The following DDX24 variants were observed in gnomAD, a reference collection of about 807,000 sequenced individuals.
DDX24 encodes ATP-dependent RNA helicase DDX24.
DDX24 carries 24 observed loss-of-function variants against 68.9 expected under a neutral mutation model. The ratio of observed to expected loss-of-function variants is 0.35; its 90% CI spans 0.25 to 0.49. DDX24 has a LOEUF of 0.49. Ranked by LOEUF, DDX24 falls within the 20% of genes least tolerant of loss-of-function variation. The pLI is 0.99. For missense variants in DDX24, 989 were observed against 1,039.0 expected, an observed-to-expected ratio of 0.95 and a Z score of 0.66; for synonymous variants, 395 against 385.2, an observed-to-expected ratio of 1.03 and a Z score of -0.30.
chr14:94,074,057 A>G (rs1885887915), intron 2 of DDX24, among the ~76,000 whole-genome samples: 1 of 151,704 alleles, frequency 6.6e-6, no homozygotes, highest in Non-Finnish European at 1.5e-5. Flanking sequence ...AAAAAAAAAA[A>G]GAAAAAAATA....
rs11849101 is a variant in DDX24 at position 94,050,896 on chromosome 14, A to G, written c.*295T>C. The G allele has an allele frequency of 0.028, 9,347 of 332,784 alleles. 717 individuals carry two copies. Among genetic ancestry groups the G allele is most frequent in the African/African-American group, 0.17 (7,916 of 46,798 alleles). The allele number at this position is 332,784 out of a possible 1,614,324, so 20.6% of individuals were successfully genotyped here. On this transcript the variant is annotated 3_prime_UTR_variant, in exon 9 of 9. Coordinates refer to ENST00000621632, the MANE Select transcript of DDX24 (RefSeq NM_020414.4). ...CCCCATCTTCTATCTAAAAAAAAAA[A>G]AAAAAAATCAGGATGACACAATGGC...
Position 94,064,669 on chromosome 14 carries a change from C to G in DDX24, c.719-2048G>C, listed in dbSNP as rs368849971. 5.3e-5 allele frequency among the ~76,000 whole-genome samples: 8 copies of G among 152,340 alleles called. 1 individual carries two copies. The South Asian group carries it at 1.0e-3, about 20-fold the overall frequency. On this transcript the variant is annotated intron_variant, in intron 2 of 8. Transcript: ENST00000621632. ...ACCTCTCCTGACTTCCAACCCCGCC[C>G]CATACCTTGCCCTAGTCATCTCATC...
chr14:94,064,927 G>C (rs1390512792), intron 2 of DDX24, among the ~76,000 whole-genome samples: 2 of 152,160 alleles, frequency 1.3e-5, no homozygotes, highest in East Asian at 3.8e-4. Context: ...CTAGCTCCAG[G>C]TAGATAGTGT....
At chr14:94,077,794 C>T (rs1885974033) in intron 2 of DDX24, among the ~76,000 whole-genome samples, 1 of 151,610 alleles carries the variant, frequency 6.6e-6, no homozygotes, top group African/African-American at 2.4e-5. Context: ...CACGTGTCTA[C>T]TGAACACTTA....
chr14:94,052,686 C>T (rs1007001048), intron 8 of DDX24, among the ~76,000 whole-genome samples: 5 of 152,208 alleles, frequency 3.3e-5, no homozygotes, highest in Non-Finnish European at 7.3e-5. Context: ...TAACTTGACT[C>T]AGTCACATAG....
chr14:94,070,967 C>A (rs1885815252), intron 2 of DDX24, among the ~76,000 whole-genome samples: 1 of 152,062 alleles, frequency 6.6e-6, no homozygotes. Context: ...ATTTCATGAC[C>A]AAGAACCCAA....
chr14:94,069,401 C>T (rs1055339511), intron 2 of DDX24, among the ~76,000 whole-genome samples: 3 of 152,084 alleles, frequency 2.0e-5, no homozygotes, highest in African/African-American at 7.2e-5. Context: ...AAGTCCAGAA[C>T]CAGACGGATT....
In DDX24 at chr14:94,079,536, G is replaced by A. The variant is rs1284185974; in HGVS notation, c.207C>T (p.Phe69=). ...VSPAKNPSSL[F]SKEAPKRKAQ... The stretch of plus-strand genomic sequence containing the variant: ...CCTTTCTCTTGGGTGCTTCCTTTGA[G>A]AAGAGACTGGAGGGATTCTTGGCAG... The change falls in exon 2 of 9, where the codon TTC becomes TTT. Residue 69 remains phenylalanine, a synonymous_variant. Coordinates refer to ENST00000621632, the MANE Select transcript of DDX24 (RefSeq NM_020414.4). 3.7e-6 allele frequency: 6 copies of A among 1,613,972 alleles called. No homozygotes were observed. In the Admixed American group the frequency reaches 8.3e-5, roughly 22 times the overall value.
chr14:94,060,695 A>AACACAC lies in DDX24; in HGVS notation c.1398-88_1398-83dup, dbSNP rs373138665. 4.8e-6 allele frequency: 7 copies of AACACAC among 1,464,262 alleles called. No individual in the cohort carries two copies. The African/African-American group carries it at 8.5e-5, about 18-fold the overall frequency. The allele number at this position is 1,464,262 out of a possible 1,614,324, so 90.7% of individuals were successfully genotyped here. On this transcript the variant is annotated intron_variant, in intron 4 of 8. Coordinates refer to ENST00000621632, the MANE Select transcript of DDX24 (RefSeq NM_020414.4). The stretch of plus-strand genomic sequence containing the variant: ...TATAGCACACCCTACACTCATCCTA[A>AACACAC]ACACACACACACACACACGTACACA...
chr14:94,079,744 G>C lies in DDX24; in HGVS notation c.-2C>G. On this transcript the variant is annotated 5_prime_UTR_variant, in exon 2 of 9. Coordinates refer to ENST00000621632, the MANE Select transcript of DDX24 (RefSeq NM_020414.4). ...TGATTTTGTGTCCTTCAACTTCATGGTTGCTGAAAAGGAGATACATGTTCT... is the reference window on the plus strand; with the variant it reads ...TGATTTTGTGTCCTTCAACTTCATGCTTGCTGAAAAGGAGATACATGTTCT... The C allele has an allele frequency of 1.2e-6, 2 of 1,612,622 alleles. No homozygotes were observed. The highest frequency in any genetic ancestry group is 1.7e-6 in the Non-Finnish European group (2 of 1,179,388).
chr14:94,062,355 C>A lies in DDX24; in HGVS notation c.985G>T (p.Ala329Ser), dbSNP rs775090565. ...AKTGGTVSDQ[A>S]LLFGDDDAGE... Reference sequence around the variant, plus strand: ...GCATCATCGTCACCAAAGAGCAACGCCTGGTCTGAGACAGTGCCTCCAGTC... The same window carrying A: ...GCATCATCGTCACCAAAGAGCAACGACTGGTCTGAGACAGTGCCTCCAGTC... The change falls in exon 3 of 9, where the codon GCG (alanine) becomes TCG (serine). Residue 329 changes from alanine to serine, a missense_variant. Ala to Ser is a moderately conservative substitution (Grantham distance 99). This residue lies in a region of DDX24 where 691 missense variants were observed against 760.0 expected (regional missense o/e 0.91). Coordinates refer to ENST00000621632, the MANE Select transcript of DDX24 (RefSeq NM_020414.4). 1 of 1,614,236 alleles carries A rather than the reference C, an allele frequency of 6.2e-7. No homozygotes were observed. Among genetic ancestry groups the A allele is most frequent in the Admixed American group, 1.7e-5 (1 of 60,030 alleles).
At chr14:94,074,042 C>CAAA (rs200305316) in intron 2 of DDX24, among the ~76,000 whole-genome samples, 1 of 74,408 alleles carries the variant, frequency 1.3e-5, no homozygotes, top group African/African-American at 5.0e-5. Context: ...GACTCCATCT[C>CAAA]AAAAAAAAAA....
At chr14:94,060,827 G>A in intron 4 of DDX24, 86 bp downstream of exon 4, 1 of 1,554,944 alleles carries the variant, frequency 6.4e-7, no homozygotes, top group Admixed American at 1.8e-5. Flanking sequence ...ATTCTGCGAT[G>A]AGAAGAAGGC....
chr14:94,079,225 A>G lies in DDX24; in HGVS notation c.518T>C (p.Val173Ala). The G allele has an allele frequency of 6.2e-7, 1 of 1,614,050 alleles. No homozygotes were observed. Among genetic ancestry groups the G allele is most frequent in the Non-Finnish European group, 8.5e-7 (1 of 1,180,010 alleles). The change falls in exon 2 of 9, where the codon GTG (valine) becomes GCG (alanine). Residue 173 changes from valine to alanine, a missense_variant. Physicochemically the swap from Val to Ala is moderately conservative, Grantham distance 64. Around this residue, in one of 3 missense-constraint regions of DDX24, gnomAD observed 295 missense variants for 263.0 expected, o/e 1.12. Coordinates refer to ENST00000621632, the MANE Select transcript of DDX24 (RefSeq NM_020414.4). Reference protein sequence around the residue: ...LEPSQSTAAKVPKKAKTWIPE... With the variant: ...LEPSQSTAAKAPKKAKTWIPE... The stretch of plus-strand genomic sequence containing the variant: ...AATCCATGTCTTCGCTTTTTTGGGC[A>G]CCTTGGCAGCAGTGCTCTGAGAAGG...
chr14:94,062,725 GCCACCCTGA>G lies in DDX24; in HGVS notation c.719-113_719-105del, dbSNP rs1415768628. 3 of 1,413,134 alleles carry G rather than the reference GCCACCCTGA, an allele frequency of 2.1e-6. No homozygotes were observed. The African/African-American group carries it at 4.3e-5, about 20-fold the overall frequency. 87.5% of individuals were successfully genotyped at this position (1,413,134 alleles called of 1,614,324 possible). On this transcript the variant is annotated intron_variant, in intron 2 of 8. Coordinates refer to ENST00000621632, the MANE Select transcript of DDX24 (RefSeq NM_020414.4). ...TTTGCATAGAATAAGGTAGCCAAGTGCCACCCTGACCGACCCAAAGCTCCTCCACTCTAC... is the reference window on the plus strand; with the variant it reads ...TTTGCATAGAATAAGGTAGCCAAGTGCCGACCCAAAGCTCCTCCACTCTAC...
chr14:94,072,591 A>G (rs1885854505), intron 2 of DDX24, among the ~76,000 whole-genome samples: 1 of 152,236 alleles, frequency 6.6e-6, no homozygotes, highest in South Asian at 2.1e-4. Context: ...ACACTTTGGG[A>G]GGCCGAGGTG....
intron 8 of DDX24, chr14:94,051,670 TC>T: frequency 2.1e-6 from 1 of 480,272 alleles, no homozygotes; most frequent in Non-Finnish European, 3.5e-6. Context: ...GACCGCTCTG[TC>T]CTTTTTTACT....
chr14:94,060,860 A>G, intron 4 of DDX24, 53 bp downstream of exon 4: 1 of 1,602,956 alleles, frequency 6.2e-7, no homozygotes, highest in African/African-American at 1.3e-5. Context: ...ATGTCACCTA[A>G]GGCTCATTTC....
At chr14:94,062,719 C>T (rs544982329) in intron 2 of DDX24, 98 bp from the exon 3 acceptor site, 1 of 1,430,410 alleles carries the variant, frequency 7.0e-7, no homozygotes, top group South Asian at 1.4e-5. Flanking sequence ...AATAAGGTAG[C>T]CAAGTGCCAC....
Sources: gnomAD v4.1 joint callset for allele counts (sites outside exome capture counted in the v4.1 genomes callset) on GRCh38, gnomAD v4.1.1 for gene constraint, gnomAD v4.1.1 regional missense constraint, MANE v1.5 for transcripts, NCBI Gene and HGNC (gene_info 2026-07-23, HGNC 2026-07-21) for gene names.